The following FBF1 variants were observed in gnomAD, a reference collection of about 807,000 sequenced individuals.
FBF1 encodes the protein Fas binding factor 1, also known as fas-binding factor 1.
FBF1 carries 119 observed loss-of-function variants against 147.2 expected under a neutral mutation model. The observed-to-expected ratio is 0.81, with a 90% CI of 0.70 to 0.94. The LOEUF (loss-of-function observed/expected upper bound fraction) is 0.94. Among genes scored for constraint, FBF1 ranks in the 40% least tolerant of loss-of-function variants. The probability of loss-of-function intolerance (pLI) is 0.00; values close to 1 mark genes in which losing one functional copy is unlikely to be tolerated. For synonymous variants in FBF1, 601 were observed against 609.0 expected (o/e 0.99, Z 0.19); for missense variants, 1,449 against 1,500.8 (o/e 0.97, Z 0.57).
At position 75,914,815 on chromosome 17, in the gene FBF1, C is replaced by A; in HGVS notation, c.2746G>T (p.Glu916Ter). 2 of 1,582,722 alleles carry A rather than the reference C, an allele frequency of 1.3e-6. No individual in the cohort carries two copies. Among genetic ancestry groups the A allele is most frequent in the East Asian group, 2.3e-5 (1 of 43,072 alleles). Reference sequence around the variant, plus strand: ...TGCAATGCCCGCTCGGCCTCGCGCTCGGCCCGCTCCTTACTCAGCTTTTGC... The same window carrying A: ...TGCAATGCCCGCTCGGCCTCGCGCTAGGCCCGCTCCTTACTCAGCTTTTGC... ...AQQKLSKERA[E>*]REAERALQVD... is the part of the protein sequence containing the mutation. Residue 916 changes from glutamate to a stop codon, truncating the protein, a stop_gained, in exon 25 of 30, where the codon GAG becomes TAG. Transcript: ENST00000636174. LOFTEE classifies it high-confidence loss of function.
At chr17:75,937,634 G>GTGAA in intron 2 of FBF1, 41 bp from the exon 3 acceptor site, 1 of 1,611,144 alleles carries the variant, frequency 6.2e-7, no homozygotes, top group Non-Finnish European at 8.5e-7. Context: ...AAACCAAACA[G>GTGAA]TGAACACAGG....
intron 2 of FBF1, 164 bp from the exon 3 acceptor site, chr17:75,937,757 G>A (rs950978752): frequency 1.3e-6 from 1 of 776,538 alleles, no homozygotes; most frequent in Non-Finnish European, 2.2e-6. Flanking sequence ...TAGTTTCTGA[G>A]AACGGACTCA....
rs745451954 is a variant in FBF1 at position 75,914,933 on chromosome 17, C to CTGGG, written c.2629-5_2629-2dup. 1 of 1,611,432 alleles carries CTGGG rather than the reference C, an allele frequency of 6.2e-7. No homozygotes were observed. Among genetic ancestry groups the CTGGG allele is most frequent in the East Asian group, 2.2e-5 (1 of 44,848 alleles). On this transcript the variant is annotated splice_acceptor_variant, in intron 24 of 29. Coordinates refer to ENST00000636174, the MANE Select transcript of FBF1 (RefSeq NM_001319193.2). LOFTEE classifies it high-confidence loss of function. ...ACTTCTGCTCCTCCAGCAAGGCGCT[C>CTGGG]TGGGATGTGGGGGTGAAGGCACGGG...
chr17:75,920,320 G>A lies in FBF1; in HGVS notation c.1784C>T (p.Ala595Val), dbSNP rs1395229593. Residue 595 changes from alanine (A) to valine (V), a missense_variant, in exon 18 of 30, where the codon GCC (alanine) becomes GTC (valine). By Grantham distance (64) the Ala-to-Val change is moderately conservative. Coordinates refer to ENST00000636174, the MANE Select transcript of FBF1 (RefSeq NM_001319193.2). ...CCGGGCCTGGCTATGCAGCAGCTCG[G>A]CCTGGAGCTCAGCGGGGCTGCACTG... is the stretch of plus-strand genomic sequence containing the variant. Reference protein sequence around the residue: ...QLQCSPAELQAELLHSQARLA... With the variant: ...QLQCSPAELQVELLHSQARLA... 2 of 1,611,214 alleles carry A rather than the reference G, an allele frequency of 1.2e-6. No individual in the cohort carries two copies. Among genetic ancestry groups the A allele is most frequent in the Non-Finnish European group, 8.5e-7 (1 of 1,179,338 alleles).
chr17:75,919,747 T>C lies in FBF1; in HGVS notation c.2059A>G (p.Thr687Ala), dbSNP rs763154030. 1 of 1,613,398 alleles carries C rather than the reference T, an allele frequency of 6.2e-7. No individual in the cohort carries two copies. Among genetic ancestry groups the C allele is most frequent in the Non-Finnish European group, 8.5e-7 (1 of 1,179,876 alleles). ...QEAEQARAEL[T>A]AQHQRRLAAI... ...GCCAAGCGCCGCTGGTGCTGGGCCG[T>C]AAGCTCAGCACGGGCCTGTTCGGCC... Residue 687 changes from threonine to alanine, a missense_variant, in exon 20 of 30, where the codon ACG becomes GCG. By Grantham distance (58) the Thr-to-Ala change is moderately conservative. Coordinates refer to ENST00000636174, the MANE Select transcript of FBF1 (RefSeq NM_001319193.2). The surrounding 1 kb of genome is among the most constrained non-coding windows in gnomAD (Gnocchi z 5.0).
In FBF1 at chr17:75,922,059, A is replaced by G; in HGVS notation, c.1425-13T>C. On this transcript the variant is annotated splice_polypyrimidine_tract_variant and intron_variant, in intron 14 of 29. Transcript: ENST00000636174. This position sits in a 1 kb window ranked among gnomAD's most constrained non-coding sequence, Gnocchi z 5.0. Reference sequence around the variant, plus strand: ...GGTGAGAGGTTGGCTGAGGAAAGGCAGCGTTCAAGGTGAAGGTGACAGAAG... The same window carrying G: ...GGTGAGAGGTTGGCTGAGGAAAGGCGGCGTTCAAGGTGAAGGTGACAGAAG... 1 of 1,551,392 alleles carries G rather than the reference A, an allele frequency of 6.4e-7. No individual in the cohort carries two copies. Among genetic ancestry groups the G allele is most frequent in the Non-Finnish European group, 8.7e-7 (1 of 1,146,598 alleles).
At chr17:75,931,321 A>G (rs757095855) in intron 5 of FBF1, 32 bp from the exon 6 acceptor site, 25 of 1,560,324 alleles carry the variant, frequency 1.6e-5, no homozygotes, top group Non-Finnish European at 2.2e-5. Context: ...CCCTACCTGC[A>G]TCCCAGGGCA....
rs192701306 is a variant in FBF1 at position 75,921,947 on chromosome 17, C to G, written c.1524G>C (p.Ser508=). The stretch of plus-strand genomic sequence containing the variant: ...CTCAGCCCGCAGCCCAGGCCTACCC[C>G]GAGACACCAGGCCTGACACACGGTC... ...RERPCVRPGV[S]GSPVTQNHAA... The change falls in exon 15 of 30, where the codon TCG becomes TCC. Residue 508 remains serine, a splice_region_variant and synonymous_variant. Coordinates refer to ENST00000636174, the MANE Select transcript of FBF1 (RefSeq NM_001319193.2). The G allele has an allele frequency of 1.3e-6, 2 of 1,550,370 alleles. No individual in the cohort carries two copies. The highest frequency in any genetic ancestry group is 1.7e-6 in the Non-Finnish European group (2 of 1,146,754).
In FBF1 at chr17:75,923,397, G is replaced by T; in HGVS notation, c.1213C>A (p.Pro405Thr). 1.9e-6 allele frequency: 3 copies of T among 1,607,434 alleles called. No individual in the cohort carries two copies. The highest frequency in any genetic ancestry group is 2.5e-6 in the Non-Finnish European group (3 of 1,177,348). Residue 405 changes from proline to threonine, a missense_variant, in exon 14 of 30, where the codon CCC becomes ACC. Coordinates refer to ENST00000636174, the MANE Select transcript of FBF1 (RefSeq NM_001319193.2). The surrounding 1 kb of genome is among the most constrained non-coding windows in gnomAD (Gnocchi z 4.1). ...SQHSTPAGLP[P>T]SRAKPPTEGA... ...TCAGTTGGTGGCTTTGCCCTGGAGG[G>T]GGGCAGCCCAGCTGGCGTGGAGTGC...
chr17:75,910,680 C>G lies in FBF1; in HGVS notation c.*43G>C, dbSNP rs1427045146. The G allele has an allele frequency of 6.4e-7, 1 of 1,557,914 alleles. No homozygotes were observed. The highest frequency in any genetic ancestry group is 1.9e-5 in the Admixed American group (1 of 53,994). ...AGGCAGCCGGAGGAACAGGACAGTT[C>G]TGGGGTCCGAACCCTCTGTTGGGGA... On this transcript the variant is annotated 3_prime_UTR_variant, in exon 30 of 30. Transcript: ENST00000636174. The surrounding 1 kb of genome is among the most constrained non-coding windows in gnomAD (Gnocchi z 4.1).
In FBF1 at chr17:75,937,606, AAAC is replaced by A. The variant is rs1327312473; in HGVS notation, c.4-16_4-14del. On this transcript the variant is annotated splice_polypyrimidine_tract_variant and intron_variant, in intron 2 of 29. Transcript: ENST00000636174. ...TGGTTTTTGGTGCCTAAAATGGGAA[AAAC>A]AAATCACATCAAGAAAACCAAACAG... is the stretch of plus-strand genomic sequence containing the variant. The A allele has an allele frequency of 6.2e-7, 1 of 1,613,866 alleles. No homozygotes were observed. Among genetic ancestry groups the A allele is most frequent in the East Asian group, 2.2e-5 (1 of 44,898 alleles).
intron 4 of FBF1, among the ~76,000 whole-genome samples, chr17:75,933,494 C>T (rs1483278877): frequency 2.0e-5 from 3 of 152,098 alleles, no homozygotes; most frequent in African/African-American, 7.2e-5. Flanking sequence ...ATCGCTTGAA[C>T]CGGGAGACGG....
Position 75,918,389 on chromosome 17 carries a change from C to T in FBF1, c.2139-120G>A. On this transcript the variant is annotated intron_variant, in intron 20 of 29. Transcript: ENST00000636174. The surrounding 1 kb of genome is among the most constrained non-coding windows in gnomAD (Gnocchi z 5.8). Reference sequence around the variant, plus strand: ...GCTCCCAGGCCTCTCCTCCGCCGGGCACTGCCTCAGTTTCCCCAGCTCCTC... The same window carrying T: ...GCTCCCAGGCCTCTCCTCCGCCGGGTACTGCCTCAGTTTCCCCAGCTCCTC... 1.3e-6 allele frequency: 1 copy of T among 749,764 alleles called. No homozygotes were observed. Among genetic ancestry groups the T allele is most frequent in the Non-Finnish European group, 2.1e-6 (1 of 467,446 alleles). The allele number at this position is 749,764 out of a possible 1,614,324, so 46.4% of individuals were successfully genotyped here.
In FBF1 at chr17:75,934,571, A is replaced by G. The variant is rs2065612433; in HGVS notation, c.73+1061T>C. 4.6e-5 allele frequency among the ~76,000 whole-genome samples: 7 copies of G among 151,032 alleles called. No individual in the cohort carries two copies. In the South Asian group the frequency reaches 1.3e-3, roughly 27 times the overall value. ...ACTCTGTCTCAAAAAAAAAAAAAAA[A>G]AGCTAGATGTAAAGGTAAGATGCTG... is the stretch of plus-strand genomic sequence containing the variant. On this transcript the variant is annotated intron_variant, in intron 4 of 29. Coordinates refer to ENST00000636174, the MANE Select transcript of FBF1 (RefSeq NM_001319193.2).
Position 75,926,426 on chromosome 17 carries a change from C to T in FBF1, c.596G>A (p.Gly199Asp). The change falls in exon 11 of 30, where the codon GGT becomes GAT. Residue 199 changes from glycine to aspartate, a missense_variant and splice_region_variant. Transcript: ENST00000636174. ...DKSPSTVRDQ[G>D]PSIPLTPGDT... ...CCCAGGAGTTAGAGGAATAGAGGGA[C>T]CTGAAAGACAAAACAAGGCCCAATG... 1.3e-6 allele frequency: 2 copies of T among 1,558,716 alleles called. No individual in the cohort carries two copies. Among genetic ancestry groups the T allele is most frequent in the Non-Finnish European group, 1.7e-6 (2 of 1,154,832 alleles).
At chr17:75,937,813 G>A (rs2065634000) in intron 2 of FBF1, 2 of 644,178 alleles carry the variant, frequency 3.1e-6, no homozygotes, top group East Asian at 5.4e-5. Flanking sequence ...GGGTGCCAAT[G>A]GGCGGGCAGG....
intron 7 of FBF1, 82 bp downstream of exon 7, chr17:75,929,915 G>A: frequency 2.5e-6 from 3 of 1,191,392 alleles, no homozygotes; most frequent in Non-Finnish European, 3.7e-6. Context: ...AAATTAGAAG[G>A]AGAATGAAGC....
Position 75,923,781 on chromosome 17 carries a change from G to C in FBF1, c.969-140C>G, listed in dbSNP as rs2065544043. ...CCAGTGAGCAGTGGCTCCTGGACCG[G>C]CTCAGGTGGCAGGCCACGTGCTGTC... On this transcript the variant is annotated intron_variant, in intron 13 of 29. Transcript: ENST00000636174. This position sits in a 1 kb window ranked among gnomAD's most constrained non-coding sequence, Gnocchi z 4.1. 1 of 809,406 alleles carries C rather than the reference G, an allele frequency of 1.2e-6. No individual in the cohort carries two copies. Among genetic ancestry groups the C allele is most frequent in the Non-Finnish European group, 1.9e-6 (1 of 526,706 alleles). The allele number at this position is 809,406 out of a possible 1,614,324, so 50.1% of individuals were successfully genotyped here.
chr17:75,918,167 G>C lies in FBF1; in HGVS notation c.2241C>G (p.His747Gln). ...GGTTGGGGCAGCGCACATACCGCGT[G>C]TGGGAGGTGGCACTGGTGGCCGCAT... ...EVDAATSATS[H>Q]TRSLNSIIHQ... is the part of the protein sequence containing the mutation. Residue 747 changes from histidine to glutamine, a missense_variant, in exon 21 of 30, where the codon CAC becomes CAG. By Grantham distance (24) the His-to-Gln change is conservative. Transcript: ENST00000636174. The surrounding 1 kb of genome is among the most constrained non-coding windows in gnomAD (Gnocchi z 5.8). 1 of 1,613,452 alleles carries C rather than the reference G, an allele frequency of 6.2e-7. No individual in the cohort carries two copies. Among genetic ancestry groups the C allele is most frequent in the South Asian group, 1.1e-5 (1 of 91,028 alleles).
Sources: gnomAD v4.1 joint callset for allele counts (sites outside exome capture counted in the v4.1 genomes callset) on GRCh38, gnomAD v4.1.1 for gene constraint, Gnocchi (gnomAD v3.1) non-coding constraint, MANE v1.5 for transcripts, NCBI Gene and HGNC (gene_info 2026-07-23, HGNC 2026-07-21) for gene names.